Variants in PCDHA6 observed in about 807,000 individuals in gnomAD.
The protein encoded by PCDHA6 is protocadherin alpha-6.
A neutral mutation model predicts 60.3 loss-of-function variants in PCDHA6; 55 were observed. The ratio of observed to expected loss-of-function variants is 0.91; its 90% CI spans 0.73 to 1.14. PCDHA6 has a LOEUF of 1.14. Ranked by LOEUF, PCDHA6 falls within the 50% of genes most tolerant of loss-of-function variation. The pLI, the probability that PCDHA6 is intolerant of heterozygous loss-of-function variation, is 0.00. For synonymous variants in PCDHA6, 652 were observed against 557.9 expected (o/e 1.17, Z -2.38); for missense variants, 1,327 against 1,256.5 (o/e 1.06, Z -0.85).
intron 1 of PCDHA6, among the ~76,000 whole-genome samples, chr5:140,871,794 ATTACTATT>A (rs1415079404): frequency 2.2e-4 from 33 of 152,228 alleles, no homozygotes; most frequent in African/African-American, 7.7e-4. Flanking sequence ...AGTAGAAATA[ATTACTATT>A]TTCACTAAAG....
intron 3 of PCDHA6, among the ~76,000 whole-genome samples, chr5:140,996,637 G>A (rs2097735642): frequency 6.6e-6 from 1 of 152,190 alleles, no homozygotes; most frequent in Admixed American, 6.5e-5. Flanking sequence ...TGCAAATTAT[G>A]TAGTTAATCC....
At chr5:140,946,456 G>A (rs1554217589) in intron 1 of PCDHA6, among the ~76,000 whole-genome samples, 1 of 151,574 alleles carries the variant, frequency 6.6e-6, no homozygotes, top group African/African-American at 2.4e-5. Flanking sequence ...CAACTATCCA[G>A]CAATCCCACT....
intron 1 of PCDHA6, among the ~76,000 whole-genome samples, chr5:140,888,585 AC>A (rs1327529840): frequency 4.6e-5 from 7 of 152,358 alleles, no homozygotes; most frequent in African/African-American, 1.4e-4. Flanking sequence ...ATTTGTTAGT[AC>A]ACATTCAGAG....
chr5:141,009,878 A>G lies in PCDHA6; in HGVS notation c.2794A>G (p.Asn932Asp). Residue 932 changes from asparagine to aspartate, a missense_variant, in exon 4 of 4, where the codon AAC (asparagine) becomes GAC (aspartate). Coordinates refer to ENST00000529310, the MANE Select transcript of PCDHA6 (RefSeq NM_018909.4). ...TKKKKKKKKG[N>D]KTQEKKEKGN... ...GAAAAAGAAGAAAAAGAAGAAGGGT[A>G]ACAAGACCCAGGAGAAAAAAGAGAA... is the stretch of plus-strand genomic sequence containing the variant. 4 of 1,613,898 alleles carry G rather than the reference A, an allele frequency of 2.5e-6. No homozygotes were observed. Among genetic ancestry groups the G allele is most frequent in the South Asian group, 1.1e-5 (1 of 91,050 alleles).
intron 1 of PCDHA6, chr5:140,854,422 A>G (rs1322655400): frequency 1.3e-5 from 2 of 151,676 alleles, no homozygotes; most frequent in African/African-American, 4.9e-5. Flanking sequence ...AATCTCTAAA[A>G]TCAGAATTTG....
chr5:140,871,712 A>G, intron 1 of PCDHA6: 1 of 805,086 alleles, frequency 1.2e-6, no homozygotes, highest in South Asian at 2.2e-5. Context: ...TAAATGTCCT[A>G]TTTCTCTTAA....
At chr5:140,878,735 C>T (rs2057715661) in intron 1 of PCDHA6, among the ~76,000 whole-genome samples, 1 of 152,198 alleles carries the variant, frequency 6.6e-6, no homozygotes, top group Non-Finnish European at 1.5e-5. Context: ...AGCCTTATAT[C>T]TACTTTCTTA....
At position 140,828,217 on chromosome 5, in the gene PCDHA6, C is replaced by T. The variant is rs2150152488; in HGVS notation, c.126C>T (p.Gly42=). The part of the protein sequence containing the change: ...HYSVPEEAKH[G]TFVGRIAQDL... Reference sequence around the variant, plus strand: ...CCGTACCCGAGGAGGCCAAACACGGCACCTTCGTGGGCCGGATCGCGCAGG... The same window carrying T: ...CCGTACCCGAGGAGGCCAAACACGGTACCTTCGTGGGCCGGATCGCGCAGG... The change falls in exon 1 of 4, where the codon GGC becomes GGT. Residue 42 remains glycine, a synonymous_variant. Transcript: ENST00000529310. 2.5e-6 allele frequency: 4 copies of T among 1,613,910 alleles called. No individual in the cohort carries two copies. In the African/African-American group the frequency reaches 5.3e-5, roughly 22 times the overall value.
At chr5:140,834,193 T>C in intron 1 of PCDHA6, 1 of 594,062 alleles carries the variant, frequency 1.7e-6, no homozygotes, top group Non-Finnish European at 2.9e-6. Flanking sequence ...GATGTCGCTC[T>C]TTACCGCAAA....
intron 1 of PCDHA6, among the ~76,000 whole-genome samples, chr5:140,976,409 G>C (rs1208759254): frequency 6.6e-6 from 1 of 152,064 alleles, no homozygotes; most frequent in African/African-American, 2.4e-5. Flanking sequence ...AAATTAGCCA[G>C]GTACGGTGGC....
intron 1 of PCDHA6, chr5:140,843,553 G>T: frequency 6.3e-7 from 1 of 1,595,928 alleles, no homozygotes; most frequent in African/African-American, 1.3e-5. Context: ...GCTCCAGTGC[G>T]GTGGGGAGCT....
At chr5:140,875,465 T>C (rs1466604223) in intron 1 of PCDHA6, 9 of 1,599,572 alleles carry the variant, frequency 5.6e-6, no homozygotes, top group African/African-American at 1.3e-5. Context: ...AGGCCCTCAT[T>C]TTCTGCAATG....
intron 1 of PCDHA6, chr5:140,862,692 G>A (rs1354476181): frequency 3.2e-5 from 18 of 555,384 alleles, no homozygotes; most frequent in Admixed American, 5.8e-5. Flanking sequence ...TGTCCTACTC[G>A]TTGATGGAAC....
chr5:140,985,930 G>A (rs577670490), intron 3 of PCDHA6, among the ~76,000 whole-genome samples: 1 of 151,914 alleles, frequency 6.6e-6, no homozygotes, highest in East Asian at 1.9e-4. Flanking sequence ...TAGTAGAGCC[G>A]GGGTTTCACT....
intron 1 of PCDHA6, among the ~76,000 whole-genome samples, chr5:140,846,139 A>G (rs1196969415): frequency 6.7e-6 from 1 of 149,708 alleles, no homozygotes; most frequent in Non-Finnish European, 1.5e-5. Flanking sequence ...TGTTTCCCAT[A>G]TTTAAAAGTT....
At chr5:140,992,761 A>G (rs1400429465) in intron 3 of PCDHA6, among the ~76,000 whole-genome samples, 1 of 152,180 alleles carries the variant, frequency 6.6e-6, no homozygotes, top group African/African-American at 2.4e-5. Flanking sequence ...TGTTGGGGAT[A>G]GGAGGGTGGG....
At chr5:140,977,227 A>G (rs149467858) in intron 1 of PCDHA6, among the ~76,000 whole-genome samples, 4 of 152,288 alleles carry the variant, frequency 2.6e-5, no homozygotes, top group African/African-American at 7.2e-5. Context: ...ATGTTACCCA[A>G]TCATAGAAAA....
At chr5:140,967,555 C>G (rs782586326) in intron 1 of PCDHA6, 3 of 1,614,008 alleles carry the variant, frequency 1.9e-6, no homozygotes, top group Non-Finnish European at 2.5e-6. Context: ...CCACTTATCG[C>G]GTCCAGCTAC....
At chr5:140,949,264 G>T (rs139292588) in intron 1 of PCDHA6, among the ~76,000 whole-genome samples, 2 of 151,666 alleles carry the variant, frequency 1.3e-5, no homozygotes, top group African/African-American at 2.4e-5. Flanking sequence ...AACATATCAC[G>T]TGCACTTGAA....
Sources: allele counts gnomAD v4.1 joint callset (sites outside exome capture counted in the v4.1 genomes callset), GRCh38; gene constraint gnomAD v4.1.1; transcripts MANE v1.5; gene names NCBI Gene and HGNC (gene_info 2026-07-23, HGNC 2026-07-21).